The following CNTNAP5 variants were observed in gnomAD, a reference collection of about 807,000 sequenced individuals.
The protein encoded by CNTNAP5 is contactin-associated protein-like 5.
In CNTNAP5, 72 loss-of-function variants were observed where a neutral mutation model predicts 150.2. The observed-to-expected ratio is 0.48, with a 90% confidence interval of 0.40 to 0.58. The LOEUF (loss-of-function observed/expected upper bound fraction) is 0.58, where lower values mean the gene tolerates loss of function less well. CNTNAP5 is among the 20% of genes least tolerant of loss of function. The probability of loss-of-function intolerance (pLI) is 0.00; values close to 1 mark genes in which losing one functional copy is unlikely to be tolerated. For missense variants in CNTNAP5, 1,636 were observed against 1,626.2 expected, an observed-to-expected ratio of 1.01 and a Z score of -0.10; for synonymous variants, 672 against 619.8, an observed-to-expected ratio of 1.08 and a Z score of -1.25.
chr2:124,221,024 T>C (rs1686295561), intron 1 of CNTNAP5, among the ~76,000 whole-genome samples: 1 of 152,046 alleles, frequency 6.6e-6, no homozygotes, highest in South Asian at 2.1e-4. Flanking sequence ...CTGTCCCACA[T>C]TTGGGCCTCA....
chr2:124,840,863 A>G (rs1199201930), intron 19 of CNTNAP5, among the ~76,000 whole-genome samples: 1 of 152,120 alleles, frequency 6.6e-6, no homozygotes, highest in Non-Finnish European at 1.5e-5. Flanking sequence ...AGCAGGCTGC[A>G]TGGGGCTGAC....
rs149396206 is a variant in CNTNAP5 at position 124,548,114 on chromosome 2, G to A, written c.1650-15103G>A. 9.1e-3 allele frequency among the ~76,000 whole-genome samples: 1,391 copies of A among 152,258 alleles called. 17 individuals are homozygous for A. Among genetic ancestry groups the A allele is most frequent in the African/African-American group, 0.031 (1,287 of 41,540 alleles). ...GAATCTAAACAAGTTGAAAGAGGGG[G>A]AAAAAACATTAATTGTGGAAGGAAG... On this transcript the variant is annotated intron_variant, in intron 10 of 23. Coordinates refer to ENST00000682447, the MANE Select transcript of CNTNAP5 (RefSeq NM_001367498.1).
At chr2:124,295,792 G>A (rs1165271790) in intron 3 of CNTNAP5, among the ~76,000 whole-genome samples, 2 of 152,168 alleles carry the variant, frequency 1.3e-5, no homozygotes, top group East Asian at 1.9e-4. Flanking sequence ...CAGAACTGAG[G>A]GTTCCTCCCA....
At chr2:124,901,418 A>G (rs530412961) in intron 21 of CNTNAP5, among the ~76,000 whole-genome samples, 14 of 147,716 alleles carry the variant, frequency 9.5e-5, no homozygotes, top group Non-Finnish European at 1.3e-4. Flanking sequence ...GAGATAGAAG[A>G]GAATTATAGG....
intron 11 of CNTNAP5, among the ~76,000 whole-genome samples, chr2:124,583,283 C>T (rs1696454985): frequency 6.6e-6 from 1 of 152,218 alleles, no homozygotes; most frequent in African/African-American, 2.4e-5. Flanking sequence ...AGCAGGAATA[C>T]TCAGGGAAGC....
chr2:124,877,752 T>C (rs1026542816), intron 21 of CNTNAP5, among the ~76,000 whole-genome samples: 25 of 152,224 alleles, frequency 1.6e-4, no homozygotes, highest in African/African-American at 5.3e-4. Flanking sequence ...CTATGCTAAA[T>C]ATTAGATTTT....
intron 3 of CNTNAP5, among the ~76,000 whole-genome samples, chr2:124,362,357 C>T (rs778173216): frequency 3.9e-5 from 6 of 152,224 alleles, no homozygotes; most frequent in Non-Finnish European, 8.8e-5. Context: ...TCTTAAATAT[C>T]ATTAACAAGA....
In CNTNAP5 at chr2:124,458,309, AT is replaced by A. The variant is rs1476982784; in HGVS notation, c.918+11373del. ...TGTAATATTTTATATATATATATAT[AT>A]ATATATAAAATGGAATACTACTCAA... On this transcript the variant is annotated intron_variant, in intron 6 of 23. Transcript: ENST00000682447. Among the ~76,000 whole-genome samples the A allele has an allele frequency of 2.9e-3, 296 of 101,086 alleles. 3 individuals are homozygous for A. Among genetic ancestry groups the A allele is most frequent in the African/African-American group, 9.7e-3 (266 of 27,564 alleles). The allele number at this position is 101,086 out of a possible 152,430, so 66.3% of individuals were successfully genotyped here.
At chr2:124,237,593 G>T (rs749213046) in intron 2 of CNTNAP5, among the ~76,000 whole-genome samples, 1 of 152,120 alleles carries the variant, frequency 6.6e-6, no homozygotes, top group African/African-American at 2.4e-5. Flanking sequence ...CAGCACTCAG[G>T]GAGGCTGAGA....
intron 21 of CNTNAP5, among the ~76,000 whole-genome samples, chr2:124,887,992 G>C (rs1678116454): frequency 6.6e-6 from 1 of 152,014 alleles, no homozygotes; most frequent in Non-Finnish European, 1.5e-5. Context: ...TAGATACAGA[G>C]GGTATATGTG....
At chr2:124,510,301 C>CTA (rs368230554) in intron 8 of CNTNAP5, among the ~76,000 whole-genome samples, 9,162 of 105,486 alleles carry the variant, frequency 0.087, 1,138 homozygotes, top group African/African-American at 0.15. Flanking sequence ...ATCTATATAT[C>CTA]TATATATATA....
intron 21 of CNTNAP5, among the ~76,000 whole-genome samples, chr2:124,887,397 AT>A (rs1411660739): frequency 6.6e-6 from 1 of 151,926 alleles, no homozygotes; most frequent in Non-Finnish European, 1.5e-5. Flanking sequence ...CCTATTCCTG[AT>A]TTTAGGATCC....
intron 13 of CNTNAP5, among the ~76,000 whole-genome samples, chr2:124,649,270 G>A (rs1678268776): frequency 6.6e-6 from 1 of 152,086 alleles, no homozygotes; most frequent in Non-Finnish European, 1.5e-5. Context: ...ACTGGTTCGT[G>A]TCCCTTTACC....
chr2:124,902,297 G>T (rs1189485864), intron 21 of CNTNAP5, among the ~76,000 whole-genome samples: 1 of 152,156 alleles, frequency 6.6e-6, no homozygotes, highest in East Asian at 1.9e-4. Flanking sequence ...AAAAACCCAT[G>T]CACACCAATC....
chr2:124,267,985 A>T (rs1687655850), intron 3 of CNTNAP5, among the ~76,000 whole-genome samples: 1 of 152,190 alleles, frequency 6.6e-6, no homozygotes, highest in Non-Finnish European at 1.5e-5. Flanking sequence ...GAGTGAGAAC[A>T]CTTATGGTAA....
At chr2:124,254,713 T>A (rs937990260) in intron 3 of CNTNAP5, among the ~76,000 whole-genome samples, 4 of 152,196 alleles carry the variant, frequency 2.6e-5, no homozygotes, top group Admixed American at 2.6e-4. Flanking sequence ...ATGGAGTAAC[T>A]TGATGGAGGC....
chr2:124,655,556 T>C (rs1021787961), intron 13 of CNTNAP5, among the ~76,000 whole-genome samples: 6 of 149,420 alleles, frequency 4.0e-5, no homozygotes, highest in Non-Finnish European at 7.5e-5. Context: ...TATATATATA[T>C]ATATTTACCA....
At chr2:124,168,005 A>G (rs1573806118) in intron 1 of CNTNAP5, among the ~76,000 whole-genome samples, 1 of 152,274 alleles carries the variant, frequency 6.6e-6, no homozygotes, top group South Asian at 2.1e-4. Context: ...TGGATGTATG[A>G]CCCAGGATAA....
chr2:124,573,337 C>T (rs78726280), intron 11 of CNTNAP5, among the ~76,000 whole-genome samples: 280 of 152,246 alleles, frequency 1.8e-3, no homozygotes, highest in African/African-American at 5.9e-3. Flanking sequence ...CAATTGGTTC[C>T]ATTTCTTCTT....
Sources: gnomAD v4.1 joint callset for allele counts (sites outside exome capture counted in the v4.1 genomes callset) on GRCh38, gnomAD v4.1.1 for gene constraint, MANE v1.5 for transcripts, NCBI Gene and HGNC (gene_info 2026-07-23, HGNC 2026-07-21) for gene names.